CREB5: variants seen among roughly 807,000 people sequenced by gnomAD.
CREB5 encodes the protein cyclic AMP-responsive element-binding protein 5.
A neutral mutation model predicts 57.1 loss-of-function variants in CREB5; 19 were observed. The observed-to-expected ratio is 0.33, with a 90% CI of 0.23 to 0.49. CREB5 has a LOEUF of 0.49. CREB5 is among the 20% of genes least tolerant of loss of function. CREB5 has a pLI of 0.99. For synonymous variants in CREB5, 238 were observed against 238.3 expected (o/e 1.00, Z 0.01); for missense variants, 579 against 671.6 (o/e 0.86, Z 1.52).
At chr7:28,739,445 A>G (rs566342927) in intron 7 of CREB5, among the ~76,000 whole-genome samples, 3 of 152,316 alleles carry the variant, frequency 2.0e-5, no homozygotes, top group African/African-American at 7.2e-5. Context: ...GATACTGGGG[A>G]AAAACAGCAC....
At chr7:28,318,205 A>G (rs1252867857) in intron 1 of CREB5, among the ~76,000 whole-genome samples, 1 of 152,210 alleles carries the variant, frequency 6.6e-6, no homozygotes, top group Admixed American at 6.5e-5. Context: ...TACAAATCCT[A>G]TGATATTAAG....
chr7:28,438,901 A>G (rs1225605405), intron 1 of CREB5, among the ~76,000 whole-genome samples: 3 of 152,148 alleles, frequency 2.0e-5, no homozygotes, highest in African/African-American at 7.2e-5. Context: ...CAGGTCCAAC[A>G]TTTTTGTGGG....
chr7:28,807,403 C>T (rs1284250195), intron 8 of CREB5, among the ~76,000 whole-genome samples: 1 of 152,150 alleles, frequency 6.6e-6, no homozygotes, highest in Non-Finnish European at 1.5e-5. Flanking sequence ...GAACCGAAAT[C>T]GCGCCACTGC....
At chr7:28,591,896 C>T (rs567877446) in intron 5 of CREB5, among the ~76,000 whole-genome samples, 37 of 152,268 alleles carry the variant, frequency 2.4e-4, no homozygotes, top group Non-Finnish European at 3.7e-4. Context: ...CTTGCTAGAA[C>T]AGCAAGTGAA....
chr7:28,397,540 T>C (rs1026495151), intron 1 of CREB5, among the ~76,000 whole-genome samples: 1 of 152,178 alleles, frequency 6.6e-6, no homozygotes, highest in Non-Finnish European at 1.5e-5. Context: ...TCAGTCAGTT[T>C]ATTTGGGCTA....
At chr7:28,479,884 C>G (rs1375985825) in intron 1 of CREB5, among the ~76,000 whole-genome samples, 1 of 152,208 alleles carries the variant, frequency 6.6e-6, no homozygotes, top group Non-Finnish European at 1.5e-5. Flanking sequence ...GATGCAGTCT[C>G]ACATGTGGTA....
At chr7:28,560,393 G>A (rs1392628460) in intron 4 of CREB5, among the ~76,000 whole-genome samples, 1 of 152,144 alleles carries the variant, frequency 6.6e-6, no homozygotes, top group Non-Finnish European at 1.5e-5. Context: ...GCAAGGCTAA[G>A]TGTGGGCTTT....
intron 1 of CREB5, among the ~76,000 whole-genome samples, chr7:28,312,907 T>G (rs866465966): frequency 6.6e-6 from 1 of 152,146 alleles, no homozygotes; most frequent in African/African-American, 2.4e-5. Context: ...AAGAAAATAA[T>G]GCAGACCAAA....
intron 7 of CREB5, among the ~76,000 whole-genome samples, chr7:28,726,445 G>T (rs893041636): frequency 6.6e-6 from 1 of 152,028 alleles, no homozygotes; most frequent in Non-Finnish European, 1.5e-5. Context: ...ATCAGTTATT[G>T]CCATATACTA....
In CREB5 at chr7:28,747,790, C is replaced by T. The variant is rs540206774; in HGVS notation, c.702+23458C>T. Among the ~76,000 whole-genome samples the T allele has an allele frequency of 4.6e-5, 7 of 152,354 alleles. No homozygotes were observed. In the East Asian group the frequency reaches 1.4e-3, roughly 29 times the overall value. On this transcript the variant is annotated intron_variant, in intron 7 of 10. Transcript: ENST00000357727. ...CTTTACCTAACACGAAGATCAAAGC[C>T]TCCCAGCATGTAATGGATGCTGAAA...
chr7:28,562,005 C>T (rs1440189565), intron 4 of CREB5, among the ~76,000 whole-genome samples: 1 of 152,200 alleles, frequency 6.6e-6, no homozygotes, highest in Non-Finnish European at 1.5e-5. Context: ...CTTGGCCTCC[C>T]AAAGTGCTGG....
chr7:28,613,946 TCTTTA>T (rs1260331404), intron 5 of CREB5, among the ~76,000 whole-genome samples: 1 of 152,102 alleles, frequency 6.6e-6, no homozygotes. Flanking sequence ...GACATTTCAG[TCTTTA>T]CTTATTTATT....
chr7:28,576,264 T>C (rs1244552283), intron 5 of CREB5, among the ~76,000 whole-genome samples: 1 of 152,252 alleles, frequency 6.6e-6, no homozygotes, highest in African/African-American at 2.4e-5. Context: ...AGGAAGCTAA[T>C]ATTTATTCAG....
chr7:28,301,825 G>T (rs1422293082), intron 1 of CREB5, among the ~76,000 whole-genome samples: 3 of 152,162 alleles, frequency 2.0e-5, no homozygotes, highest in African/African-American at 4.8e-5. Flanking sequence ...AGTTCCCGGG[G>T]TTACTAATGT....
At chr7:28,808,811 A>G (rs1464480184) in intron 8 of CREB5, among the ~76,000 whole-genome samples, 2 of 133,250 alleles carry the variant, frequency 1.5e-5, no homozygotes, top group African/African-American at 5.7e-5. Context: ...TCCTCCCGCC[A>G]CACCTGGCCC....
chr7:28,429,940 T>C (rs976840149), intron 1 of CREB5, among the ~76,000 whole-genome samples: 5 of 152,136 alleles, frequency 3.3e-5, no homozygotes, highest in Non-Finnish European at 7.4e-5. Flanking sequence ...TGACAGGAAA[T>C]GATAATGAAA....
chr7:28,687,321 A>C (rs1273081477), intron 5 of CREB5, among the ~76,000 whole-genome samples: 2 of 151,796 alleles, frequency 1.3e-5, no homozygotes, highest in Non-Finnish European at 2.9e-5. Context: ...AGACTTCTTG[A>C]TTGAGTTGTC....
intron 5 of CREB5, among the ~76,000 whole-genome samples, chr7:28,605,361 T>C (rs994698665): frequency 6.6e-6 from 1 of 152,216 alleles, no homozygotes; most frequent in African/African-American, 2.4e-5. Context: ...CATCTAGATA[T>C]TGTGAGAAGA....
At chr7:28,348,780 G>T (rs1258401465) in intron 1 of CREB5, among the ~76,000 whole-genome samples, 1 of 152,178 alleles carries the variant, frequency 6.6e-6, no homozygotes, top group Non-Finnish European at 1.5e-5. Context: ...ACAAAGTGGT[G>T]CCAAGAGCCA....
Sources: gnomAD v4.1 joint callset for allele counts (sites outside exome capture counted in the v4.1 genomes callset) on GRCh38, gnomAD v4.1.1 for gene constraint, MANE v1.5 for transcripts, NCBI Gene and HGNC (gene_info 2026-07-23, HGNC 2026-07-21) for gene names.